Variants in PIAS2 observed in about 807,000 individuals in gnomAD.
PIAS2 encodes the protein E3 SUMO-protein ligase PIAS2.
A neutral mutation model predicts 69.7 loss-of-function variants in PIAS2; 19 were observed. That is an observed-to-expected ratio of 0.27 (90% CI 0.19 to 0.40). The LOEUF (loss-of-function observed/expected upper bound fraction) is 0.40, where lower values mean the gene tolerates loss of function less well. Among genes scored for constraint, PIAS2 ranks in the 10% least tolerant of loss-of-function variants. PIAS2 has a pLI of 1.00. For missense variants in PIAS2, 624 were observed against 757.0 expected, an observed-to-expected ratio of 0.82 and a Z score of 2.06; for synonymous variants, 261 against 263.2, an observed-to-expected ratio of 0.99 and a Z score of 0.08.
rs2040968857 is a variant in PIAS2 at position 46,811,075 on chromosome 18, T to C, written c.*1358A>G. ...GTGATTTAAAATCAAACAAACACAC[T>C]ATAGAAGAGAAATTTTCAAAGTGCA... On this transcript the variant is annotated 3_prime_UTR_variant, in exon 14 of 14. Transcript: ENST00000585916. The C allele has an allele frequency of 6.6e-6, 1 of 152,058 alleles. No individual in the cohort carries two copies. The highest frequency in any genetic ancestry group is 1.5e-5 in the Non-Finnish European group (1 of 68,010). The allele number at this position is 152,058 out of a possible 1,614,324, so 9.4% of individuals were successfully genotyped here.
At position 46,807,381 on chromosome 18, in the gene PIAS2, ATATTTTTTTTTTTT is replaced by A. The variant is rs2040758065; in HGVS notation, c.*5038_*5051del. 1 of 19,854 alleles carries A rather than the reference ATATTTTTTTTTTTT, an allele frequency of 5.0e-5. No individual in the cohort carries two copies. Among genetic ancestry groups the A allele is most frequent in the African/African-American group, 3.9e-4 (1 of 2,558 alleles). The allele number at this position is 19,854 out of a possible 1,614,324, so 1.2% of individuals were successfully genotyped here. A position where few individuals can be genotyped will look rare whatever the true frequency, so the allele number is the denominator to read the frequency against. The stretch of plus-strand genomic sequence containing the variant: ...TATATATATATATATATATATATAT[ATATTTTTTTTTTTT>A]TTTTTTTTTTTTTTTAGAGAGTCTT... On this transcript the variant is annotated 3_prime_UTR_variant, in exon 14 of 14. Transcript: ENST00000585916.
chr18:46,859,155 G>A (rs187790954), intron 3 of PIAS2, among the ~76,000 whole-genome samples: 5 of 152,230 alleles, frequency 3.3e-5, no homozygotes, highest in East Asian at 3.9e-4. Flanking sequence ...AGGGCCAGAC[G>A]CGGTAGCTCA....
intron 2 of PIAS2, among the ~76,000 whole-genome samples, chr18:46,884,253 T>G (rs903755336): frequency 6.6e-6 from 1 of 152,108 alleles, no homozygotes; most frequent in African/African-American, 2.4e-5. Context: ...TTTATACAGA[T>G]AGAATACAGA....
At chr18:46,859,132 A>G (rs2048270717) in intron 3 of PIAS2, among the ~76,000 whole-genome samples, 1 of 152,164 alleles carries the variant, frequency 6.6e-6, no homozygotes. Context: ...GAATGACATA[A>G]AAGAATCAAT....
chr18:46,829,974 C>G lies in PIAS2; in HGVS notation c.1203-107G>C, dbSNP rs908452636. The stretch of plus-strand genomic sequence containing the variant: ...GAAAACATAAGTAATGTTAGCTGAC[C>G]CCCTTTTCTTTTGGTATTGCAATAC... On this transcript the variant is annotated intron_variant, in intron 9 of 13. Coordinates refer to ENST00000585916, the MANE Select transcript of PIAS2 (RefSeq NM_004671.5). 11 of 951,658 alleles carry G rather than the reference C, an allele frequency of 1.2e-5. No individual in the cohort carries two copies. In the East Asian group the frequency reaches 2.5e-4, roughly 21 times the overall value. 59.0% of individuals were successfully genotyped at this position (951,658 alleles called of 1,614,324 possible).
intron 5 of PIAS2, among the ~76,000 whole-genome samples, chr18:46,847,546 A>C (rs1426183468): frequency 1.3e-5 from 2 of 150,252 alleles, no homozygotes; most frequent in African/African-American, 4.9e-5. Context: ...CAGTGGCGCG[A>C]ACTTGGCTCA....
intron 3 of PIAS2, among the ~76,000 whole-genome samples, chr18:46,863,281 C>G (rs1373272290): frequency 2.0e-5 from 3 of 152,078 alleles, no homozygotes; most frequent in Non-Finnish European, 4.4e-5. Flanking sequence ...TATGGTCACC[C>G]TGTCTTTGGG....
intron 8 of PIAS2, among the ~76,000 whole-genome samples, chr18:46,842,332 T>G (rs923338425): frequency 2.7e-5 from 4 of 150,846 alleles, no homozygotes; most frequent in African/African-American, 9.8e-5. Context: ...TGTTTGGCCA[T>G]TGTATTTTGT....
chr18:46,843,915 C>T, intron 8 of PIAS2, 139 bp downstream of exon 8: 1 of 528,124 alleles, frequency 1.9e-6, no homozygotes. Context: ...GTGACTTAAT[C>T]ATGAAGATTC....
intron 13 of PIAS2, among the ~76,000 whole-genome samples, chr18:46,813,475 G>A (rs2041187857): frequency 6.6e-6 from 1 of 152,144 alleles, no homozygotes; most frequent in African/African-American, 2.4e-5. Context: ...AGAAACGACT[G>A]CACTGACTTT....
intron 8 of PIAS2, among the ~76,000 whole-genome samples, chr18:46,838,574 C>G (rs939871047): frequency 6.6e-6 from 1 of 152,220 alleles, no homozygotes; most frequent in African/African-American, 2.4e-5. Context: ...AGAAAAAGGT[C>G]AGAATAAAAC....
chr18:46,855,454 A>C lies in PIAS2; in HGVS notation c.636-19T>G. The stretch of plus-strand genomic sequence containing the variant: ...GCAAAGTCTGCATTAATAAAAGAAA[A>C]AAGTATTCTTAAATAGTGTGCTCAA... On this transcript the variant is annotated intron_variant, in intron 4 of 13. Transcript: ENST00000585916. 6.3e-7 allele frequency: 1 copy of C among 1,598,452 alleles called. No individual in the cohort carries two copies. Among genetic ancestry groups the C allele is most frequent in the Non-Finnish European group, 8.6e-7 (1 of 1,168,066 alleles).
At chr18:46,818,762 T>C (rs1006887734) in intron 12 of PIAS2, among the ~76,000 whole-genome samples, 3 of 152,120 alleles carry the variant, frequency 2.0e-5, no homozygotes, top group Admixed American at 1.3e-4. Flanking sequence ...AAATAGATCC[T>C]ATTCTATTCA....
intron 1 of PIAS2, chr18:46,893,552 A>G (rs2054382266): frequency 7.8e-6 from 4 of 515,644 alleles, no homozygotes; most frequent in Non-Finnish European, 1.0e-5. Flanking sequence ...TAGACAAACA[A>G]AAAGTAAGAA....
intron 2 of PIAS2, among the ~76,000 whole-genome samples, chr18:46,865,579 T>C (rs72909189): frequency 0.041 from 6,192 of 150,694 alleles, 172 homozygotes; most frequent in Non-Finnish European, 0.065. Flanking sequence ...CCAGTTTTCC[T>C]GCTACATGAA....
chr18:46,894,990 T>C (rs947177552), intron 1 of PIAS2, among the ~76,000 whole-genome samples: 2 of 151,470 alleles, frequency 1.3e-5, no homozygotes, highest in African/African-American at 4.9e-5. Context: ...GGAGAATCGC[T>C]TGAAACCGGG....
chr18:46,856,690 G>A (rs1218888268), intron 3 of PIAS2, among the ~76,000 whole-genome samples: 2 of 152,162 alleles, frequency 1.3e-5, no homozygotes, highest in Non-Finnish European at 2.9e-5. Context: ...AGATCCTCAG[G>A]TGACATGTAT....
intron 9 of PIAS2, 89 bp from the exon 10 acceptor site, chr18:46,829,956 TA>T (rs2043357118): frequency 8.7e-7 from 1 of 1,147,178 alleles, no homozygotes; most frequent in Admixed American, 2.3e-5. Flanking sequence ...CTTGAAAACA[TA>T]AGTAATGTTA....
chr18:46,814,902 A>G (rs1048539815), intron 13 of PIAS2, among the ~76,000 whole-genome samples: 1 of 152,218 alleles, frequency 6.6e-6, no homozygotes, highest in African/African-American at 2.4e-5. Context: ...TTTAAAAACA[A>G]TGAAGAATCA....
Sources: allele counts gnomAD v4.1 joint callset (sites outside exome capture counted in the v4.1 genomes callset), GRCh38; gene constraint gnomAD v4.1.1; transcripts MANE v1.5; gene names NCBI Gene and HGNC (gene_info 2026-07-23, HGNC 2026-07-21).